ANKMY2: variants seen among roughly 807,000 people sequenced by gnomAD.
The protein encoded by ANKMY2 is ankyrin repeat and MYND domain containing 2.
A neutral mutation model predicts 50.4 loss-of-function variants in ANKMY2; 36 were observed. The observed-to-expected ratio is 0.71, with a 90% confidence interval of 0.55 to 0.94. The LOEUF is 0.94. Ranked by LOEUF, ANKMY2 falls within the 40% of genes least tolerant of loss-of-function variation. The probability of loss-of-function intolerance (pLI) is 0.00; values close to 1 mark genes in which losing one functional copy is unlikely to be tolerated. For synonymous variants in ANKMY2, 187 were observed against 178.8 expected (o/e 1.05, Z -0.36); for missense variants, 565 against 524.0 (o/e 1.08, Z -0.76).
intron 8 of ANKMY2, among the ~76,000 whole-genome samples, chr7:16,602,788 A>C (rs1319390420): frequency 6.6e-6 from 1 of 152,084 alleles, no homozygotes; most frequent in East Asian, 1.9e-4. Flanking sequence ...CTGTCCTCAC[A>C]ATACTGAGTG....
intron 3 of ANKMY2, 97 bp downstream of exon 3, chr7:16,626,943 A>G: frequency 9.1e-7 from 1 of 1,100,900 alleles, no homozygotes; most frequent in Non-Finnish European, 1.2e-6. Context: ...CTTGACCATA[A>G]AATTACTAAA....
chr7:16,618,622 C>T (rs62443203), intron 4 of ANKMY2, among the ~76,000 whole-genome samples: 32,980 of 151,898 alleles, frequency 0.22, 4,166 homozygotes, highest in Middle Eastern at 0.3. Flanking sequence ...TTCCCCAGTA[C>T]ATACGTCTTG....
chr7:16,606,006 A>C (rs925665002), intron 7 of ANKMY2, among the ~76,000 whole-genome samples: 9 of 151,742 alleles, frequency 5.9e-5, no homozygotes, highest in Non-Finnish European at 1.3e-4. Flanking sequence ...TTTAGTAGAG[A>C]CAGGATTTCA....
intron 2 of ANKMY2, among the ~76,000 whole-genome samples, chr7:16,627,649 A>T (rs60544819): frequency 0.1 from 15,576 of 152,260 alleles, 1,861 homozygotes; most frequent in African/African-American, 0.28. Flanking sequence ...CTGAACTGGA[A>T]CATTTTTCAC....
chr7:16,645,059 G>C (rs1225796995), intron 1 of ANKMY2, among the ~76,000 whole-genome samples: 2 of 152,098 alleles, frequency 1.3e-5, no homozygotes, highest in African/African-American at 2.4e-5. Context: ...ACTCCCAAGC[G>C]GGGGCGGGGA....
At chr7:16,632,285 G>T (rs1781600563) in intron 2 of ANKMY2, among the ~76,000 whole-genome samples, 2 of 151,908 alleles carry the variant, frequency 1.3e-5, no homozygotes, top group Admixed American at 1.3e-4. Context: ...CAATTAATTT[G>T]TACAAATAAA....
At position 16,609,668 on chromosome 7, in the gene ANKMY2, G is replaced by C; in HGVS notation, c.844C>G (p.Leu282Val). ...GCAATGCTTCGAACCAGCTGCTGGA[G>C]GAGTGTAGCTTCACAGTAAGGAAAT... ...RKFPYCEATL[L>V]QQLVRSIAPV... The change falls in exon 7 of 10, where the codon CTC (leucine) becomes GTC (valine). Residue 282 changes from leucine (L) to valine (V), a missense_variant. Leu to Val is a conservative substitution (Grantham distance 32, BLOSUM62 1). Coordinates refer to ENST00000306999, the MANE Select transcript of ANKMY2 (RefSeq NM_020319.3). 6.2e-7 allele frequency: 1 copy of C among 1,611,724 alleles called. No individual in the cohort carries two copies. Among genetic ancestry groups the C allele is most frequent in the Non-Finnish European group, 8.5e-7 (1 of 1,179,276 alleles).
intron 9 of ANKMY2, among the ~76,000 whole-genome samples, chr7:16,601,884 A>G (rs545366334): frequency 6.6e-6 from 1 of 152,340 alleles, no homozygotes; most frequent in South Asian, 2.1e-4. Context: ...CTGCTATGAC[A>G]CTTGTAGAAA....
intron 2 of ANKMY2, among the ~76,000 whole-genome samples, chr7:16,627,908 G>T (rs1273442693): frequency 7.7e-6 from 1 of 129,780 alleles, no homozygotes; most frequent in Non-Finnish European, 1.8e-5. Flanking sequence ...ATGGTTGGTA[G>T]TATTTAGGCT....
chr7:16,612,107 A>G (rs1781265123), intron 5 of ANKMY2, among the ~76,000 whole-genome samples: 1 of 152,240 alleles, frequency 6.6e-6, no homozygotes, highest in Admixed American at 6.5e-5. Flanking sequence ...CAGGGACACA[A>G]CTGTATGCAC....
At chr7:16,605,871 G>T (rs1781150820) in intron 7 of ANKMY2, among the ~76,000 whole-genome samples, 1 of 151,624 alleles carries the variant, frequency 6.6e-6, no homozygotes, top group South Asian at 2.1e-4. Flanking sequence ...TTTTAGTAGA[G>T]ATGGGGTTTC....
At chr7:16,618,683 G>A (rs1235686030) in intron 4 of ANKMY2, among the ~76,000 whole-genome samples, 4 of 151,952 alleles carry the variant, frequency 2.6e-5, no homozygotes, top group Non-Finnish European at 4.4e-5. Flanking sequence ...GAGCCAAGGT[G>A]CTCTGTTTAG....
At chr7:16,632,011 T>A (rs904381378) in intron 2 of ANKMY2, among the ~76,000 whole-genome samples, 2 of 152,174 alleles carry the variant, frequency 1.3e-5, no homozygotes, top group African/African-American at 4.8e-5. Context: ...AAAAAAGTTA[T>A]GACAATCTTC....
At chr7:16,618,789 A>T (rs1166855024) in intron 4 of ANKMY2, among the ~76,000 whole-genome samples, 1 of 152,242 alleles carries the variant, frequency 6.6e-6, no homozygotes, top group African/African-American at 2.4e-5. Flanking sequence ...CAGTTATCAA[A>T]ATCAACCCAA....
At chr7:16,643,784 C>T (rs1350198575) in intron 1 of ANKMY2, among the ~76,000 whole-genome samples, 1 of 150,216 alleles carries the variant, frequency 6.7e-6, no homozygotes. Flanking sequence ...TTAGGGAGGC[C>T]GAGGCAGGAG....
intron 4 of ANKMY2, among the ~76,000 whole-genome samples, chr7:16,617,970 C>A (rs1781381783): frequency 6.8e-6 from 1 of 147,446 alleles, no homozygotes; most frequent in African/African-American, 2.5e-5. Flanking sequence ...CTCTGTTGCC[C>A]AGGCTGTAGT....
At position 16,604,789 on chromosome 7, in the gene ANKMY2, C is replaced by A; in HGVS notation, c.943G>T (p.Val315Leu). The stretch of plus-strand genomic sequence containing the variant: ...CAGGTAGTGCAAAATTCCACATCCA[C>A]AAAACCCACCTGGCCAGTGATGGCT... Reference protein sequence around the residue: ...TQAITGQVGFVDVEFCTTCGE... With the variant: ...TQAITGQVGFLDVEFCTTCGE... The change falls in exon 8 of 10, where the codon GTG (valine) becomes TTG (leucine). Residue 315 changes from valine to leucine, a missense_variant. Coordinates refer to ENST00000306999, the MANE Select transcript of ANKMY2 (RefSeq NM_020319.3). The A allele has an allele frequency of 1.2e-6, 2 of 1,614,096 alleles. No homozygotes were observed. Among genetic ancestry groups the A allele is most frequent in the South Asian group, 2.2e-5 (2 of 91,082 alleles).
At chr7:16,607,001 A>G (rs549726434) in intron 7 of ANKMY2, among the ~76,000 whole-genome samples, 21 of 152,282 alleles carry the variant, frequency 1.4e-4, no homozygotes, top group African/African-American at 5.1e-4. Flanking sequence ...CACAGCAGCC[A>G]GCCCTGAGAA....
intron 4 of ANKMY2, among the ~76,000 whole-genome samples, chr7:16,617,316 C>A (rs920939254): frequency 6.6e-6 from 1 of 152,084 alleles, no homozygotes; most frequent in African/African-American, 2.4e-5. Flanking sequence ...TGATAATTTT[C>A]TAAAGTAATT....
Sources: gnomAD v4.1 joint callset for allele counts (sites outside exome capture counted in the v4.1 genomes callset) on GRCh38, gnomAD v4.1.1 for gene constraint, MANE v1.5 for transcripts, NCBI Gene and HGNC (gene_info 2026-07-23, HGNC 2026-07-21) for gene names.